The following NEFH variants were observed in gnomAD, a reference collection of about 807,000 sequenced individuals.
The protein encoded by NEFH is neurofilament heavy chain, also known as neurofilament heavy polypeptide.
NEFH carries 58 observed loss-of-function variants against 56.6 expected under a neutral mutation model. The observed-to-expected ratio is 1.03, with a 90% CI of 0.83 to 1.28. The LOEUF (loss-of-function observed/expected upper bound fraction) is 1.28, where lower values mean the gene tolerates loss of function less well. Ranked by LOEUF, NEFH falls within the 50% of genes most tolerant of loss-of-function variation. The pLI is 0.00. For synonymous variants in NEFH, 542 were observed against 545.8 expected (o/e 0.99, Z 0.10); for missense variants, 1,221 against 1,307.6 (o/e 0.93, Z 1.02).
chr22:29,480,862 C>G lies in NEFH; in HGVS notation c.600C>G (p.Arg200=). 8 of 1,397,870 alleles carry G rather than the reference C, an allele frequency of 5.7e-6. No homozygotes were observed. The highest frequency in any genetic ancestry group is 7.3e-6 in the Non-Finnish European group (8 of 1,088,538). 86.6% of individuals were successfully genotyped at this position (1,397,870 alleles called of 1,614,324 possible). ...RQREEAEAAA[R]ALARFAQEAE... is the part of the protein sequence containing the mutation. ...GAGAGGAGGCCGAGGCGGCGGCCCG[C>G]GCGCTGGCGCGCTTCGCGCAGGAGG... The change falls in exon 1 of 4, where the codon CGC becomes CGG. Residue 200 remains arginine (R), a synonymous_variant. Transcript: ENST00000310624.
chr22:29,490,850 AT>A lies in NEFH; in HGVS notation c.*150del, dbSNP rs747501203. ...ACGGGGCCTCCTTCTTCAAACAGGAATTTCTGTTAGCAATATGTTAGCAAGA... is the reference window on the plus strand; with the variant it reads ...ACGGGGCCTCCTTCTTCAAACAGGAATTCTGTTAGCAATATGTTAGCAAGA... On this transcript the variant is annotated 3_prime_UTR_variant, in exon 4 of 4. Coordinates refer to ENST00000310624, the MANE Select transcript of NEFH (RefSeq NM_021076.4). 102 of 1,483,826 alleles carry A rather than the reference AT, an allele frequency of 6.9e-5. 3 individuals are homozygous for A. The South Asian group carries it at 1.1e-3, about 16-fold the overall frequency. 91.9% of individuals were successfully genotyped at this position (1,483,826 alleles called of 1,614,324 possible).
At chr22:29,485,872 T>C (rs761187527) in intron 3 of NEFH, 25 bp downstream of exon 3, 23 of 1,613,950 alleles carry the variant, frequency 1.4e-5, no homozygotes, top group Non-Finnish European at 1.9e-5. Flanking sequence ...GGCTGTCACA[T>C]GGTGAAGAAA....
In NEFH at chr22:29,490,515, G is replaced by A; in HGVS notation, c.2875G>A (p.Glu959Lys). The A allele has an allele frequency of 1.3e-6, 2 of 1,595,104 alleles. No individual in the cohort carries two copies. Among genetic ancestry groups the A allele is most frequent in the Admixed American group, 1.8e-5 (1 of 54,982 alleles). The change falls in exon 4 of 4, where the codon GAG becomes AAG. Residue 959 changes from glutamate (E) to lysine (K), a missense_variant. Coordinates refer to ENST00000310624, the MANE Select transcript of NEFH (RefSeq NM_021076.4). ...AGCACCGGAGAAAAAAGACACCAAG[G>A]AGGAGAAGGCCAAGAAGCCTGAGGA... ...EAAPEKKDTK[E>K]EKAKKPEEKP...
In NEFH at chr22:29,490,105, C is replaced by T. The variant is rs1264035862; in HGVS notation, c.2465C>T (p.Ser822Phe). ...KEIPKKEEVK[S>F]PVKEEEKPQE... Reference sequence around the variant, plus strand: ...ATCCCAAAAAAGGAAGAGGTGAAGTCCCCAGTGAAGGAGGAGGAGAAGCCC... The same window carrying T: ...ATCCCAAAAAAGGAAGAGGTGAAGTTCCCAGTGAAGGAGGAGGAGAAGCCC... The change falls in exon 4 of 4, where the codon TCC becomes TTC. Residue 822 changes from serine to phenylalanine, a missense_variant. Physicochemically the swap from Ser to Phe is radical, Grantham distance 155 (BLOSUM62 -2). Coordinates refer to ENST00000310624, the MANE Select transcript of NEFH (RefSeq NM_021076.4). 3.7e-6 allele frequency: 6 copies of T among 1,613,948 alleles called. No individual in the cohort carries two copies. The highest frequency in any genetic ancestry group is 2.5e-6 in the Non-Finnish European group (3 of 1,179,996).
At chr22:29,488,651 G>A (rs912855297) in intron 3 of NEFH, among the ~76,000 whole-genome samples, 198 bp from the exon 4 acceptor site, 10 of 152,074 alleles carry the variant, frequency 6.6e-5, no homozygotes, top group African/African-American at 1.2e-4. Flanking sequence ...CAGTCCCACC[G>A]GGGTACACAT....
chr22:29,490,368 G>T lies in NEFH; in HGVS notation c.2728G>T (p.Ala910Ser). ...KKKVPTPEKEAPAKVEVKEDA... is the reference protein window; with the variant it reads ...KKKVPTPEKESPAKVEVKEDA... ...AAAAGTCCCCACCCCAGAGAAGGAG[G>T]CTCCTGCCAAGGTGGAGGTGAAGGA... Residue 910 changes from alanine to serine, a missense_variant, in exon 4 of 4, where the codon GCT (alanine) becomes TCT (serine). Physicochemically the swap from Ala to Ser is moderately conservative, Grantham distance 99. This residue lies in a region of NEFH where 301 missense variants were observed against 346.6 expected (regional missense o/e 0.87). Transcript: ENST00000310624. 6.2e-7 allele frequency: 1 copy of T among 1,613,492 alleles called. No homozygotes were observed. The highest frequency in any genetic ancestry group is 2.2e-5 in the East Asian group (1 of 44,848).
At chr22:29,486,915 T>A (rs990141707) in intron 3 of NEFH, among the ~76,000 whole-genome samples, 1 of 152,212 alleles carries the variant, frequency 6.6e-6, no homozygotes, top group Non-Finnish European at 1.5e-5. Context: ...GCCAGAGGCC[T>A]GCTTTGAAGG....
rs779536083 is a variant in NEFH at position 29,483,376 on chromosome 22, G to A, written c.885G>A (p.Val295=). Residue 295 remains valine, a splice_region_variant and synonymous_variant, in exon 2 of 4, where the codon GTG becomes GTA. Coordinates refer to ENST00000310624, the MANE Select transcript of NEFH (RefSeq NM_021076.4). ...STLQSEEWFR[V]RLDRLSEAAK... is the part of the protein sequence containing the mutation. The stretch of plus-strand genomic sequence containing the variant: ...GTGCCCTGCTACCTTCTCCCCCAGT[G>A]AGGCTGGACCGACTGTCGGAGGCAG... The A allele has an allele frequency of 4.3e-6, 7 of 1,613,674 alleles. No homozygotes were observed. In the South Asian group the frequency reaches 7.7e-5, roughly 18 times the overall value.
At position 29,490,687 on chromosome 22, in the gene NEFH, C is replaced by T. The variant is rs1405924324; in HGVS notation, c.3047C>T (p.Ala1016Val). The T allele has an allele frequency of 2.5e-6, 4 of 1,613,978 alleles. No individual in the cohort carries two copies. Among genetic ancestry groups the T allele is most frequent in the African/African-American group, 1.3e-5 (1 of 74,908 alleles). Residue 1016 changes from alanine to valine, a missense_variant, in exon 4 of 4, where the codon GCC becomes GTC. Physicochemically the swap from Ala to Val is moderately conservative, Grantham distance 64. Transcript: ENST00000310624. ...CCAGAGAAGGCCACAGAAGACAAGG[C>T]CGCCAAGGGGAAGTAAGGCAGGGAG... ...KPPEKATEDK[A>V]AKGK
intron 2 of NEFH, 40 bp downstream of exon 2, chr22:29,483,614 G>T (rs764189356): frequency 6.2e-7 from 1 of 1,600,940 alleles, no homozygotes; most frequent in South Asian, 1.1e-5. Context: ...TGCCTTACCT[G>T]ATTGGGTAGC....
rs563978332 is a variant in NEFH, at chr22:29,485,051, G to A, written c.1084-672G>A. Among the ~76,000 whole-genome samples the A allele has an allele frequency of 7.9e-5, 12 of 152,188 alleles. No homozygotes were observed. The East Asian group carries it at 2.3e-3, about 29-fold the overall frequency. ...AGGTCTCACTGTGTTGCCCAGGCTG[G>A]TCTCAAACTCCTGGGCTGAAGTGAT... On this transcript the variant is annotated intron_variant, in intron 2 of 3. Coordinates refer to ENST00000310624, the MANE Select transcript of NEFH (RefSeq NM_021076.4).
intron 1 of NEFH, among the ~76,000 whole-genome samples, chr22:29,482,626 C>G (rs2063018736): frequency 6.6e-6 from 1 of 152,238 alleles, no homozygotes; most frequent in African/African-American, 2.4e-5. Flanking sequence ...ACGGTACCCT[C>G]ATGCCTCCTA....
intron 3 of NEFH, among the ~76,000 whole-genome samples, chr22:29,487,507 C>G (rs2063051300): frequency 6.6e-6 from 1 of 152,014 alleles, no homozygotes; most frequent in South Asian, 2.1e-4. Context: ...TGGCACATGC[C>G]TTTAGTCTCA....
At chr22:29,486,647 C>T (rs544895371) in intron 3 of NEFH, among the ~76,000 whole-genome samples, 6 of 151,876 alleles carry the variant, frequency 4.0e-5, no homozygotes, top group East Asian at 1.9e-4. Flanking sequence ...CTCAGCCTCC[C>T]GAGTAGCTGG....
In NEFH at chr22:29,490,045, C is replaced by T. The variant is rs758520448; in HGVS notation, c.2405C>T (p.Pro802Leu). 5.0e-6 allele frequency: 8 copies of T among 1,613,890 alleles called. No homozygotes were observed. The highest frequency in any genetic ancestry group is 5.9e-6 in the Non-Finnish European group (7 of 1,179,918). ...EVKSPEKAKS[P>L]LKEDAKAPEK... ...AAGTCCCCAGAGAAGGCGAAATCTC[C>T]CCTGAAGGAGGATGCCAAGGCCCCT... The change falls in exon 4 of 4, where the codon CCC becomes CTC. Residue 802 changes from proline (P) to leucine (L), a missense_variant. Pro to Leu is a moderately conservative substitution (Grantham distance 98). Around this residue, in one of 4 missense-constraint regions of NEFH, gnomAD observed 301 missense variants for 346.6 expected, o/e 0.87. Coordinates refer to ENST00000310624, the MANE Select transcript of NEFH (RefSeq NM_021076.4).
rs530534330 is a variant in NEFH at position 29,490,495 on chromosome 22, C to T, written c.2855C>T (p.Pro952Leu). ...SKPAEKKEAAPEKKDTKEEKA... is the reference protein window; with the variant it reads ...SKPAEKKEAALEKKDTKEEKA... ...CCAGCAGAGAAGAAGGAGGCAGCACCGGAGAAAAAAGACACCAAGGAGGAG... is the reference window on the plus strand; with the variant it reads ...CCAGCAGAGAAGAAGGAGGCAGCACTGGAGAAAAAAGACACCAAGGAGGAG... Residue 952 changes from proline (P) to leucine (L), a missense_variant, in exon 4 of 4, where the codon CCG becomes CTG. Transcript: ENST00000310624. 34 of 1,588,220 alleles carry T rather than the reference C, an allele frequency of 2.1e-5. No homozygotes were observed. Among genetic ancestry groups the T allele is most frequent in the East Asian group, 6.7e-5 (3 of 44,762 alleles).
chr22:29,482,830 A>G (rs1389861451), intron 1 of NEFH, among the ~76,000 whole-genome samples: 2 of 152,234 alleles, frequency 1.3e-5, no homozygotes, highest in African/African-American at 4.8e-5. Flanking sequence ...GAGACAGAGC[A>G]TGATCTTTGG....
chr22:29,480,283 G>C lies in NEFH; in HGVS notation c.21G>C (p.Ala7=), dbSNP rs192350983. MMSFGG[A]DALLGAPFAP... ...AGGCCATGATGAGCTTCGGCGGCGC[G>C]GACGCGCTGCTGGGCGCCCCGTTCG... is the stretch of plus-strand genomic sequence containing the variant. Residue 7 remains alanine (A), a synonymous_variant, in exon 1 of 4, where the codon GCG becomes GCC. Transcript: ENST00000310624. 1.3e-6 allele frequency: 2 copies of C among 1,509,742 alleles called. No individual in the cohort carries two copies. The highest frequency in any genetic ancestry group is 1.8e-6 in the Non-Finnish European group (2 of 1,138,036). 93.5% of individuals were successfully genotyped at this position (1,509,742 alleles called of 1,614,324 possible). A position where few individuals can be genotyped will look rare whatever the true frequency, so the allele number is the denominator to read the frequency against.
At position 29,483,386 on chromosome 22, in the gene NEFH, C is replaced by T. The variant is rs758814953; in HGVS notation, c.895C>T (p.Arg299Ter). The T allele has an allele frequency of 1.2e-6, 2 of 1,613,808 alleles. No homozygotes were observed. The highest frequency in any genetic ancestry group is 8.5e-7 in the Non-Finnish European group (1 of 1,180,022). ...SEEWFRVRLD[R>*]LSEAAKVNTD... ...ACCTTCTCCCCCAGTGAGGCTGGAC[C>T]GACTGTCGGAGGCAGCCAAGGTGAA... Residue 299 changes from arginine (R) to a stop codon, truncating the protein, a stop_gained, in exon 2 of 4, where the codon CGA (arginine) becomes TGA (stop). Coordinates refer to ENST00000310624, the MANE Select transcript of NEFH (RefSeq NM_021076.4). LOFTEE classifies it high-confidence loss of function.
Sources: allele counts gnomAD v4.1 joint callset (sites outside exome capture counted in the v4.1 genomes callset), GRCh38; gene constraint gnomAD v4.1.1; regional missense constraint gnomAD v4.1.1; transcripts MANE v1.5; gene names NCBI Gene and HGNC (gene_info 2026-07-23, HGNC 2026-07-21).